The following BMPER variants were observed in gnomAD, a reference collection of about 807,000 sequenced individuals.
The protein encoded by BMPER is BMP binding endothelial regulator.
BMPER carries 45 observed loss-of-function variants against 87.3 expected under a neutral mutation model. The ratio of observed to expected loss-of-function variants is 0.52; its 90% CI spans 0.41 to 0.66. The LOEUF is 0.66. BMPER is among the 30% of genes least tolerant of loss of function. The pLI is 0.00. For synonymous variants in BMPER, 326 were observed against 316.2 expected, an observed-to-expected ratio of 1.03 and a Z score of -0.33; for missense variants, 784 against 867.5, an observed-to-expected ratio of 0.90 and a Z score of 1.21.
At chr7:33,916,790 A>T in intron 2 of BMPER, among the ~76,000 whole-genome samples, 1 of 152,184 alleles carries the variant, frequency 6.6e-6, no homozygotes, top group East Asian at 1.9e-4. Context: ...CAAGAGGTCC[A>T]CAACCTTGGG....
chr7:34,026,738 A>G (rs1787364367), intron 6 of BMPER, among the ~76,000 whole-genome samples: 3 of 152,140 alleles, frequency 2.0e-5, no homozygotes, highest in Admixed American at 1.3e-4. Flanking sequence ...CTCCAGAGAC[A>G]TAAGCATCTG....
chr7:34,011,622 A>T (rs1303442794), intron 6 of BMPER, among the ~76,000 whole-genome samples: 1 of 151,316 alleles, frequency 6.6e-6, no homozygotes, highest in Non-Finnish European at 1.5e-5. Flanking sequence ...AAAGAAAGAA[A>T]AAAGAAACAA....
rs900583957 is a variant in BMPER, at chr7:34,155,865, G to C, written c.*2592G>C. 1 of 152,142 alleles carries C rather than the reference G, an allele frequency of 6.6e-6. No individual in the cohort carries two copies. The highest frequency in any genetic ancestry group is 1.5e-5 in the Non-Finnish European group (1 of 68,030). 9.4% of individuals were successfully genotyped at this position (152,142 alleles called of 1,614,324 possible). ...ATGACTTGAAATAAAAATGTTCTAT[G>C]AATATTGAATTTGATGAGAAACAAG... On this transcript the variant is annotated 3_prime_UTR_variant, in exon 15 of 15. Coordinates refer to ENST00000649409, the MANE Select transcript of BMPER (RefSeq NM_001365308.1).
intron 13 of BMPER, among the ~76,000 whole-genome samples, chr7:34,098,784 A>AT (rs1789601444): frequency 6.6e-6 from 1 of 152,192 alleles, no homozygotes; most frequent in Non-Finnish European, 1.5e-5. Context: ...GGGAGGAAGG[A>AT]TATTAAGCAG....
At chr7:34,017,054 C>G (rs1349680460) in intron 6 of BMPER, among the ~76,000 whole-genome samples, 2 of 151,836 alleles carry the variant, frequency 1.3e-5, no homozygotes, top group Non-Finnish European at 2.9e-5. Context: ...GGAAAATTGT[C>G]AGCATTTTCC....
intron 6 of BMPER, among the ~76,000 whole-genome samples, chr7:33,991,333 G>C (rs577175609): frequency 9.2e-5 from 14 of 152,058 alleles, no homozygotes; most frequent in Non-Finnish European, 1.2e-4. Context: ...CTTCTTCCTG[G>C]TTTAGTCTTG....
intron 13 of BMPER, among the ~76,000 whole-genome samples, chr7:34,097,717 A>C (rs1312102418): frequency 6.6e-6 from 1 of 152,150 alleles, no homozygotes; most frequent in Non-Finnish European, 1.5e-5. Context: ...AATTATAAGA[A>C]CAGTCCAGGA....
In BMPER at chr7:33,939,904, A is replaced by T. The variant is rs180675370; in HGVS notation, c.319+2516A>T. On this transcript the variant is annotated intron_variant, in intron 3 of 14. Transcript: ENST00000649409. ...TGACTTTTCAGGGGCCCTGGGGTGGATGTTAATATGCACCCTTTGTTTTCT... is the reference window on the plus strand; with the variant it reads ...TGACTTTTCAGGGGCCCTGGGGTGGTTGTTAATATGCACCCTTTGTTTTCT... 1,199 of 232,880 alleles carry T rather than the reference A, an allele frequency of 5.1e-3. 29 individuals are homozygous for T. Among genetic ancestry groups the T allele is most frequent in the Admixed American group, 0.051 (1,101 of 21,470 alleles). The allele number at this position is 232,880 out of a possible 1,614,324, so 14.4% of individuals were successfully genotyped here.
intron 6 of BMPER, among the ~76,000 whole-genome samples, chr7:34,029,875 T>C (rs1222526929): frequency 6.6e-6 from 1 of 152,062 alleles, no homozygotes; most frequent in East Asian, 1.9e-4. Flanking sequence ...TTTCAGAGGA[T>C]GTGGGAGGTA....
chr7:34,119,685 T>C (rs1790213646), intron 13 of BMPER, among the ~76,000 whole-genome samples: 1 of 152,076 alleles, frequency 6.6e-6, no homozygotes, highest in Non-Finnish European at 1.5e-5. Flanking sequence ...CTATTATAAA[T>C]AGAAAACTTC....
chr7:34,147,429 A>G (rs1791058058), intron 14 of BMPER, among the ~76,000 whole-genome samples: 1 of 152,192 alleles, frequency 6.6e-6, no homozygotes, highest in Admixed American at 6.5e-5. Context: ...TTGAGAATAA[A>G]TGCACTCTAA....
At chr7:34,009,132 T>A (rs1009905736) in intron 6 of BMPER, among the ~76,000 whole-genome samples, 20 of 151,956 alleles carry the variant, frequency 1.3e-4, no homozygotes, top group African/African-American at 3.4e-4. Context: ...TATTTTTTTT[T>A]AATTTTAGAT....
intron 10 of BMPER, 102 bp downstream of exon 10, chr7:34,058,265 C>G (rs1788338183): frequency 1.5e-5 from 17 of 1,110,084 alleles, no homozygotes; most frequent in East Asian, 1.0e-4. Context: ...CCAGCTCCCC[C>G]AAAGCCTCTA....
Position 34,021,025 on chromosome 7 carries a change from A to T in BMPER, c.577-25281A>T, listed in dbSNP as rs528239273. On this transcript the variant is annotated intron_variant, in intron 6 of 14. Coordinates refer to ENST00000649409, the MANE Select transcript of BMPER (RefSeq NM_001365308.1). ...ACTGCTTTATAAATACTCACAACTG[A>T]TGTAGGAGGAGATGCTTCGCAAACC... 2.1e-4 allele frequency among the ~76,000 whole-genome samples: 32 copies of T among 152,118 alleles called. No homozygotes were observed. In the South Asian group the frequency reaches 2.9e-3, roughly 14 times the overall value.
intron 2 of BMPER, among the ~76,000 whole-genome samples, chr7:33,913,916 G>A (rs1312842765): frequency 1.3e-5 from 2 of 151,792 alleles, no homozygotes; most frequent in African/African-American, 4.8e-5. Context: ...TATTCAGTCT[G>A]GTAGGTACGT....
intron 3 of BMPER, among the ~76,000 whole-genome samples, chr7:33,952,485 A>T (rs1178071217): frequency 1.3e-5 from 2 of 152,212 alleles, no homozygotes; most frequent in Middle Eastern, 3.2e-3. Flanking sequence ...GAGGTATTCT[A>T]GGTAGAAACT....
chr7:33,994,295 G>A (rs1365292076), intron 6 of BMPER, among the ~76,000 whole-genome samples: 1 of 152,218 alleles, frequency 6.6e-6, no homozygotes. Context: ...AGGACCCTCC[G>A]AGCCAGGTGC....
intron 6 of BMPER, among the ~76,000 whole-genome samples, chr7:34,024,384 A>AAAAAAATAT (rs1562695193): frequency 4.3e-5 from 1 of 23,432 alleles, no homozygotes; most frequent in African/African-American, 2.1e-4. Context: ...AAAAAAAAAC[A>AAAAAAATAT]ATATATATAT....
chr7:33,926,506 G>A (rs1001451227), intron 2 of BMPER, among the ~76,000 whole-genome samples: 2 of 152,148 alleles, frequency 1.3e-5, no homozygotes, highest in Admixed American at 1.3e-4. Flanking sequence ...GGCCACTCTC[G>A]TTTCTTTATA....
Sources: allele counts gnomAD v4.1 joint callset (sites outside exome capture counted in the v4.1 genomes callset), GRCh38; gene constraint gnomAD v4.1.1; transcripts MANE v1.5; gene names NCBI Gene and HGNC (gene_info 2026-07-23, HGNC 2026-07-21).